PDE8B: variants seen among roughly 807,000 people sequenced by gnomAD.
PDE8B encodes the protein phosphodiesterase 8B, also known as high affinity cAMP-specific and IBMX-insensitive 3',5'-cyclic phosphodiesterase 8B.
Under a neutral mutation model 101.3 loss-of-function variants are expected in PDE8B, and 26 were observed. The observed-to-expected ratio is 0.26, with a 90% CI of 0.19 to 0.36. The LOEUF is 0.36. Among genes scored for constraint, PDE8B ranks in the 10% least tolerant of loss-of-function variants. PDE8B has a pLI of 1.00. For synonymous variants in PDE8B, 424 were observed against 429.3 expected (o/e 0.99, Z 0.15); for missense variants, 810 against 1,163.1 (o/e 0.70, Z 4.42).
the PDE8B span, chr5:77,106,343 A>G: frequency 2.6e-5 from 4 of 152,232 alleles, no homozygotes; most frequent in East Asian, 3.9e-4. Context: ...ATTGTTGAGT[A>G]TGGTGTGAGG....
chr5:77,216,454 C>T (rs1387594408), intron 1 of PDE8B, among the ~76,000 whole-genome samples: 1 of 152,164 alleles, frequency 6.6e-6, no homozygotes, highest in East Asian at 1.9e-4. Context: ...CCTTATAAAA[C>T]CATCAGATCT....
At chr5:77,172,315 A>G in the PDE8B span, among the ~76,000 whole-genome samples, 1 of 152,232 alleles carries the variant, frequency 6.6e-6, no homozygotes, top group Non-Finnish European at 1.5e-5. Context: ...TGACTGATGA[A>G]ACATCAAGAG....
intron 18 of PDE8B, 105 bp from the exon 19 acceptor site, chr5:77,419,662 C>A: frequency 7.5e-7 from 1 of 1,332,598 alleles, no homozygotes; most frequent in Non-Finnish European, 1.1e-6. Context: ...TAACTCTGTG[C>A]CCCAGCTTCC....
chr5:77,091,528 G>C, the PDE8B span, among the ~76,000 whole-genome samples: 3 of 152,130 alleles, frequency 2.0e-5, no homozygotes. Context: ...TATAAGCCCA[G>C]CTACCTGGGA....
At chr5:77,230,365 C>T (rs919162165) in intron 1 of PDE8B, among the ~76,000 whole-genome samples, 3 of 152,232 alleles carry the variant, frequency 2.0e-5, no homozygotes, top group African/African-American at 7.2e-5. Flanking sequence ...CCACTTCTCA[C>T]ACTGGCTTTA....
chr5:77,323,724 C>T (rs1054051960), intron 2 of PDE8B, among the ~76,000 whole-genome samples: 18 of 152,052 alleles, frequency 1.2e-4, no homozygotes, highest in Admixed American at 4.6e-4. Context: ...TTTGGGAGGC[C>T]GAGGTGGGCG....
intron 1 of PDE8B, among the ~76,000 whole-genome samples, chr5:77,305,724 A>T (rs1771049822): frequency 6.6e-6 from 1 of 152,196 alleles, no homozygotes; most frequent in African/African-American, 2.4e-5. Context: ...TGGCCTGAGA[A>T]TGGAGGGTGG....
At chr5:77,339,638 G>T (rs1040825518) in intron 6 of PDE8B, among the ~76,000 whole-genome samples, 1 of 152,138 alleles carries the variant, frequency 6.6e-6, no homozygotes, top group Non-Finnish European at 1.5e-5. Context: ...CTGGGAAAAT[G>T]AGGCTCTTTA....
At chr5:77,093,792 T>C in the PDE8B span, among the ~76,000 whole-genome samples, 3 of 152,030 alleles carry the variant, frequency 2.0e-5, no homozygotes, top group Non-Finnish European at 4.4e-5. Flanking sequence ...CCCACAGTGT[T>C]TTCTCTGTAG....
intron 17 of PDE8B, among the ~76,000 whole-genome samples, chr5:77,417,809 T>C (rs1795874911): frequency 6.6e-6 from 1 of 152,186 alleles, no homozygotes; most frequent in Admixed American, 6.5e-5. Flanking sequence ...CATTTCACCA[T>C]TGTATGAATA....
intron 11 of PDE8B, among the ~76,000 whole-genome samples, chr5:77,403,703 A>G (rs2151026064): frequency 6.6e-6 from 1 of 152,312 alleles, no homozygotes; most frequent in East Asian, 1.9e-4. Context: ...AAGCTAGATT[A>G]TTTAAGATAA....
intron 10 of PDE8B, chr5:77,358,484 G>C: frequency 4.1e-6 from 4 of 978,068 alleles, no homozygotes; most frequent in Non-Finnish European, 4.9e-6. Context: ...CGGGGACTGT[G>C]GGTTATGCCT....
chr5:77,122,721 G>A, the PDE8B span, among the ~76,000 whole-genome samples: 1 of 152,182 alleles, frequency 6.6e-6, no homozygotes, highest in Non-Finnish European at 1.5e-5. Flanking sequence ...CTGAGCCTGA[G>A]CTGACACTAA....
At chr5:77,354,793 C>T (rs1447829515) in intron 10 of PDE8B, among the ~76,000 whole-genome samples, 1 of 152,204 alleles carries the variant, frequency 6.6e-6, no homozygotes, top group Non-Finnish European at 1.5e-5. Flanking sequence ...GGGACCCCTA[C>T]TCTCCCTGTC....
the PDE8B span, among the ~76,000 whole-genome samples, chr5:77,127,793 T>G: frequency 4.7e-4 from 71 of 152,298 alleles, no homozygotes; most frequent in African/African-American, 1.7e-3. Flanking sequence ...TCCTAGAGGA[T>G]GAAAATTAAT....
At chr5:77,278,365 TC>T (rs1284519595) in intron 1 of PDE8B, among the ~76,000 whole-genome samples, 11 of 152,240 alleles carry the variant, frequency 7.2e-5, no homozygotes, top group Non-Finnish European at 1.5e-4. Flanking sequence ...TTTTAGTTTT[TC>T]AACTACTGTG....
the PDE8B span, among the ~76,000 whole-genome samples, chr5:77,101,334 G>A: frequency 6.6e-6 from 1 of 151,974 alleles, no homozygotes; most frequent in Admixed American, 6.6e-5. Flanking sequence ...GAGTATGTGT[G>A]GCTTGGAGGC....
chr5:77,300,676 G>A (rs546971925), intron 1 of PDE8B, among the ~76,000 whole-genome samples: 1 of 152,328 alleles, frequency 6.6e-6, no homozygotes, highest in African/African-American at 2.4e-5. Context: ...ATGTGTGTTA[G>A]CAAAGAGGAG....
At chr5:77,177,065 C>T in the PDE8B span, among the ~76,000 whole-genome samples, 3 of 151,808 alleles carry the variant, frequency 2.0e-5, no homozygotes, top group Non-Finnish European at 2.9e-5. Flanking sequence ...CTTTTTCTCT[C>T]TCCCTTCTTC....
Sources: allele counts gnomAD v4.1 joint callset (sites outside exome capture counted in the v4.1 genomes callset), GRCh38; gene constraint gnomAD v4.1.1; transcripts MANE v1.5; gene names NCBI Gene and HGNC (gene_info 2026-07-23, HGNC 2026-07-21).